Variants in ALG9 observed in about 807,000 individuals in gnomAD.
The protein encoded by ALG9 is alpha-1,2-mannosyltransferase ALG9.
In ALG9, 55 loss-of-function variants were observed where a neutral mutation model predicts 81.8. That is an observed-to-expected ratio of 0.67 (90% CI 0.54 to 0.84). The LOEUF (loss-of-function observed/expected upper bound fraction) is 0.84. Ranked by LOEUF, ALG9 falls within the 40% of genes least tolerant of loss-of-function variation. The pLI is 0.00. For missense variants in ALG9, 629 were observed against 745.0 expected (o/e 0.84, Z 1.81); for synonymous variants, 278 against 274.3 (o/e 1.01, Z -0.13).
At chr11:111,797,184 T>A (rs1591836688) in intron 14 of ALG9, among the ~76,000 whole-genome samples, 1 of 152,248 alleles carries the variant, frequency 6.6e-6, no homozygotes, top group African/African-American at 2.4e-5. Flanking sequence ...CCCTTGAGCA[T>A]GAGCTATTCA....
At chr11:111,870,831 C>T (rs1432274238) in intron 1 of ALG9, 18 of 1,005,662 alleles carry the variant, frequency 1.8e-5, no homozygotes, top group African/African-American at 3.5e-5. Context: ...AAGGTCATTG[C>T]TTTTGATGGC....
In ALG9 at chr11:111,868,659, G is replaced by A; in HGVS notation, c.348C>T (p.Tyr116=). ...SPAYAIRSYA[Y]LLLHAWPAAF... ...CAGCTGGCCAGGCATGAAGCAACAG[G>A]TAAGCATAGGAGCGAATGGCATATG... The change falls in exon 3 of 15, where the codon TAC becomes TAT. Residue 116 remains tyrosine (Y), a synonymous_variant. Coordinates refer to ENST00000616540, the MANE Select transcript of ALG9 (RefSeq NM_024740.2). 1.2e-6 allele frequency: 2 copies of A among 1,614,002 alleles called. No individual in the cohort carries two copies. The highest frequency in any genetic ancestry group is 2.2e-5 in the East Asian group (1 of 44,888).
intron 13 of ALG9, among the ~76,000 whole-genome samples, chr11:111,834,079 T>G (rs2136770679): frequency 6.6e-6 from 1 of 152,366 alleles, no homozygotes; most frequent in African/African-American, 2.4e-5. Context: ...AGTCATTCTC[T>G]TCATGGCATT....
In ALG9 at chr11:111,865,123, A is replaced by T. The variant is rs1333539951; in HGVS notation, c.476+58T>A. 4.6e-6 allele frequency: 6 copies of T among 1,300,586 alleles called. No individual in the cohort carries two copies. The Admixed American group carries it at 1.4e-4, about 31-fold the overall frequency. The allele number at this position is 1,300,586 out of a possible 1,614,324, so 80.6% of individuals were successfully genotyped here. ...ACTGCCTAGACTATCACAACAGATA[A>T]TCTATGCAATAATGGGTTTCCTCAC... On this transcript the variant is annotated intron_variant, in intron 4 of 14. Coordinates refer to ENST00000616540, the MANE Select transcript of ALG9 (RefSeq NM_024740.2).
intron 14 of ALG9, among the ~76,000 whole-genome samples, chr11:111,799,743 C>G (rs1198837181): frequency 3.9e-5 from 6 of 152,118 alleles, no homozygotes; most frequent in Admixed American, 1.3e-4. Flanking sequence ...GGACAGGACC[C>G]CTTTTACTTT....
At chr11:111,857,558 T>A (rs1175069372) in intron 6 of ALG9, 44 bp downstream of exon 6, 2 of 1,613,652 alleles carry the variant, frequency 1.2e-6, no homozygotes, top group Non-Finnish European at 1.7e-6. Context: ...TAAGATTTAC[T>A]ATATGCCCAG....
chr11:111,845,139 T>C (rs1038710831), intron 8 of ALG9: 6 of 187,406 alleles, frequency 3.2e-5, no homozygotes, highest in African/African-American at 1.4e-4. Context: ...GAAAGAGTGA[T>C]AAAAAAACTT....
intron 13 of ALG9, among the ~76,000 whole-genome samples, chr11:111,815,196 A>G (rs1314885970): frequency 6.6e-6 from 1 of 152,172 alleles, no homozygotes; most frequent in African/African-American, 2.4e-5. Flanking sequence ...GAAAGATATC[A>G]AGGCCCAATC....
chr11:111,844,926 G>A (rs1294264126), intron 8 of ALG9, among the ~76,000 whole-genome samples: 1 of 152,168 alleles, frequency 6.6e-6, no homozygotes. Flanking sequence ...TGGTCATGAG[G>A]ATTTAGGGAG....
At chr11:111,818,560 G>T (rs1951862626) in intron 13 of ALG9, among the ~76,000 whole-genome samples, 1 of 152,188 alleles carries the variant, frequency 6.6e-6, no homozygotes, top group Admixed American at 6.5e-5. Context: ...TCATCCTTCA[G>T]ATTTCAGCTA....
chr11:111,790,798 T>C (rs1279771347), intron 14 of ALG9, among the ~76,000 whole-genome samples: 1 of 152,146 alleles, frequency 6.6e-6, no homozygotes, highest in Non-Finnish European at 1.5e-5. Flanking sequence ...TTGGAAAAGT[T>C]AAAAAGCCTG....
intron 14 of ALG9, among the ~76,000 whole-genome samples, chr11:111,800,020 T>C (rs1555079103): frequency 6.6e-6 from 1 of 152,216 alleles, no homozygotes. Flanking sequence ...TGTACTCTAA[T>C]CTCCACAGGT....
At chr11:111,772,481 T>G in the ALG9 span, among the ~76,000 whole-genome samples, 1 of 152,010 alleles carries the variant, frequency 6.6e-6, no homozygotes, top group South Asian at 2.1e-4. Context: ...GTTAGGAGAG[T>G]ATACTCTGGA....
In ALG9 at chr11:111,862,894, G is replaced by A. The variant is rs111900152; in HGVS notation, c.477-2259C>T. Among the ~76,000 whole-genome samples, 1,048 of 152,102 alleles carry A rather than the reference G, an allele frequency of 6.9e-3. 11 individuals carry two copies. Among genetic ancestry groups the A allele is most frequent in the African/African-American group, 0.023 (972 of 41,500 alleles). On this transcript the variant is annotated intron_variant, in intron 4 of 14. Coordinates refer to ENST00000616540, the MANE Select transcript of ALG9 (RefSeq NM_024740.2). The stretch of plus-strand genomic sequence containing the variant: ...TTTTCAGGTGAACGTTCTGTTGACT[G>A]TTATTTCTGCTGATTCTCACCCATA...
intron 14 of ALG9, among the ~76,000 whole-genome samples, chr11:111,807,765 T>A (rs1012235642): frequency 6.6e-6 from 1 of 152,132 alleles, no homozygotes; most frequent in Non-Finnish European, 1.5e-5. Context: ...CACTCCAGAC[T>A]GGGAGAAAGA....
intron 2 of ALG9, among the ~76,000 whole-genome samples, chr11:111,869,943 C>A (rs964074436): frequency 2.0e-5 from 3 of 151,968 alleles, no homozygotes; most frequent in African/African-American, 7.3e-5. Flanking sequence ...TCCCGAGTAG[C>A]TGGGACTACA....
chr11:111,804,636 T>A (rs1196678405), intron 14 of ALG9, among the ~76,000 whole-genome samples: 2 of 152,006 alleles, frequency 1.3e-5, no homozygotes, highest in African/African-American at 4.8e-5. Context: ...ACAACCGGAT[T>A]AAAAAATGCC....
chr11:111,792,575 G>A (rs1591808331), intron 14 of ALG9, among the ~76,000 whole-genome samples: 1 of 152,156 alleles, frequency 6.6e-6, no homozygotes, highest in Non-Finnish European at 1.5e-5. Flanking sequence ...GACAAACATG[G>A]GTCTGACTTA....
chr11:111,802,488 G>A (rs782385797), intron 14 of ALG9, among the ~76,000 whole-genome samples: 1 of 152,194 alleles, frequency 6.6e-6, no homozygotes, highest in Non-Finnish European at 1.5e-5. Flanking sequence ...ATCTATAGAA[G>A]CAGAGAATAG....
Sources: allele counts gnomAD v4.1 joint callset (sites outside exome capture counted in the v4.1 genomes callset), GRCh38; gene constraint gnomAD v4.1.1; transcripts MANE v1.5; gene names NCBI Gene and HGNC (gene_info 2026-07-23, HGNC 2026-07-21).